The following HSD17B12 variants were observed in gnomAD, a reference collection of about 807,000 sequenced individuals.
HSD17B12 encodes the protein very-long-chain 3-oxoacyl-CoA reductase.
Under a neutral mutation model 39.3 loss-of-function variants are expected in HSD17B12, and 32 were observed. The observed-to-expected ratio is 0.81, with a 90% CI of 0.61 to 1.09. HSD17B12 has a LOEUF of 1.09. HSD17B12 is among the 50% of genes least tolerant of loss of function. The pLI is 0.00. For missense variants in HSD17B12, 342 were observed against 382.9 expected, an observed-to-expected ratio of 0.89 and a Z score of 0.89; for synonymous variants, 150 against 146.7, an observed-to-expected ratio of 1.02 and a Z score of -0.16.
chr11:43,656,366 G>A, the HSD17B12 span, among the ~76,000 whole-genome samples: 1 of 152,024 alleles, frequency 6.6e-6, no homozygotes, highest in African/African-American at 2.4e-5. Context: ...TGGATTCATT[G>A]ATTTTTTGAA....
the HSD17B12 span, among the ~76,000 whole-genome samples, chr11:43,661,097 C>A: frequency 1.3e-5 from 2 of 152,120 alleles, no homozygotes. Flanking sequence ...TGCACTCCAG[C>A]CTGGGCAACA....
At chr11:43,571,320 T>C in the HSD17B12 span, among the ~76,000 whole-genome samples, 14 of 152,214 alleles carry the variant, frequency 9.2e-5, no homozygotes, top group Non-Finnish European at 1.8e-4. Context: ...TCCCAACCCC[T>C]GACACCTTTC....
chr11:43,564,098 T>C, the HSD17B12 span, among the ~76,000 whole-genome samples: 4 of 152,098 alleles, frequency 2.6e-5, no homozygotes, highest in African/African-American at 9.7e-5. Flanking sequence ...CCTCCTGCCT[T>C]GGCCTCCCAA....
intron 6 of HSD17B12, among the ~76,000 whole-genome samples, chr11:43,820,211 G>T (rs1453524595): frequency 2.6e-5 from 4 of 152,160 alleles, no homozygotes; most frequent in Non-Finnish European, 5.9e-5. Flanking sequence ...AGGCTAGAGA[G>T]CTACAGAAAG....
At chr11:43,659,968 T>A in the HSD17B12 span, among the ~76,000 whole-genome samples, 1 of 152,190 alleles carries the variant, frequency 6.6e-6, no homozygotes, top group African/African-American at 2.4e-5. Context: ...CTTTAGAACC[T>A]GCCTGCTTGG....
At chr11:43,768,819 C>G (rs1164664491) in intron 3 of HSD17B12, among the ~76,000 whole-genome samples, 3 of 152,320 alleles carry the variant, frequency 2.0e-5, no homozygotes, top group Admixed American at 6.5e-5. Flanking sequence ...TGGCCCCGCC[C>G]ATGTCCTGCT....
intron 1 of HSD17B12, among the ~76,000 whole-genome samples, chr11:43,728,112 C>G (rs1028773750): frequency 6.6e-6 from 1 of 151,932 alleles, no homozygotes; most frequent in Non-Finnish European, 1.5e-5. Flanking sequence ...GTCACTCAGG[C>G]TGGAGTGCAG....
intron 3 of HSD17B12, among the ~76,000 whole-genome samples, chr11:43,785,845 T>C (rs1446790932): frequency 6.6e-6 from 1 of 152,220 alleles, no homozygotes; most frequent in African/African-American, 2.4e-5. Context: ...TGTAACTTTA[T>C]GCATTGATCA....
intron 1 of HSD17B12, among the ~76,000 whole-genome samples, chr11:43,695,200 G>T (rs1441788877): frequency 6.6e-6 from 1 of 152,112 alleles, no homozygotes; most frequent in Non-Finnish European, 1.5e-5. Flanking sequence ...TATCCATGCA[G>T]GCTTTTTAAC....
chr11:43,571,107 C>T, the HSD17B12 span, among the ~76,000 whole-genome samples: 1 of 152,188 alleles, frequency 6.6e-6, no homozygotes, highest in Non-Finnish European at 1.5e-5. Flanking sequence ...CAGCTAATTG[C>T]AAGGCTGCTT....
the HSD17B12 span, among the ~76,000 whole-genome samples, chr11:43,666,785 T>C: frequency 2.0e-5 from 3 of 152,364 alleles, no homozygotes; most frequent in Admixed American, 1.3e-4. Context: ...CACGACATTT[T>C]CTGGTATTCT....
intron 1 of HSD17B12, among the ~76,000 whole-genome samples, chr11:43,730,972 G>A (rs10838158): frequency 0.66 from 99,626 of 151,712 alleles, 33,038 homozygotes; most frequent in East Asian, 0.75. Flanking sequence ...TGGAGAATTT[G>A]CCCACTTCTT....
In HSD17B12 at chr11:43,680,769, C is replaced by A; in HGVS notation, c.-59C>A. 1.3e-6 allele frequency: 2 copies of A among 1,510,220 alleles called. No homozygotes were observed. Among genetic ancestry groups the A allele is most frequent in the Non-Finnish European group, 1.8e-6 (2 of 1,085,934 alleles). The allele number at this position is 1,510,220 out of a possible 1,614,324, so 93.6% of individuals were successfully genotyped here. A position where few individuals can be genotyped will look rare whatever the true frequency, so the allele number is the denominator to read the frequency against. On this transcript the variant is annotated 5_prime_UTR_variant, in exon 1 of 11. Coordinates refer to ENST00000278353, the MANE Select transcript of HSD17B12 (RefSeq NM_016142.3). The stretch of plus-strand genomic sequence containing the variant: ...CTCACCGTCACGGCCGGCGCCTCCT[C>A]CTGGATTCATTCACTCGCTCTTTTC...
chr11:43,600,484 T>C, the HSD17B12 span, among the ~76,000 whole-genome samples: 1 of 152,296 alleles, frequency 6.6e-6, no homozygotes, highest in South Asian at 2.1e-4. Context: ...GCTGCCAGCA[T>C]GTGGAAAAGG....
the HSD17B12 span, among the ~76,000 whole-genome samples, chr11:43,629,096 C>T: frequency 1.3e-5 from 2 of 151,992 alleles, no homozygotes; most frequent in East Asian, 3.9e-4. Context: ...TGGATGTGGA[C>T]GTTGATTTCC....
the HSD17B12 span, among the ~76,000 whole-genome samples, chr11:43,626,364 T>C: frequency 2.0e-5 from 3 of 152,000 alleles, no homozygotes; most frequent in Non-Finnish European, 3.0e-5. Flanking sequence ...GTATCTTTAG[T>C]TGGAATATAA....
chr11:43,831,210 T>A lies in HSD17B12; in HGVS notation c.536+200T>A. ...GGCCTTTTCCACTCGATTCCCTTTT[T>A]ATTTCTCTCTCTAGGGTTGTAGTGG... On this transcript the variant is annotated intron_variant, in intron 7 of 10. Coordinates refer to ENST00000278353, the MANE Select transcript of HSD17B12 (RefSeq NM_016142.3). The surrounding 1 kb of genome is among the most constrained non-coding windows in gnomAD (Gnocchi z 4.1). The A allele has an allele frequency of 2.4e-6, 1 of 424,538 alleles. No individual in the cohort carries two copies. Among genetic ancestry groups the A allele is most frequent in the Non-Finnish European group, 4.2e-6 (1 of 237,158 alleles). The allele number at this position is 424,538 out of a possible 1,614,324, so 26.3% of individuals were successfully genotyped here. A position where few individuals can be genotyped will look rare whatever the true frequency, so the allele number is the denominator to read the frequency against.
intron 1 of HSD17B12, among the ~76,000 whole-genome samples, chr11:43,691,285 C>T (rs1242743633): frequency 6.6e-6 from 1 of 152,180 alleles, no homozygotes; most frequent in Non-Finnish European, 1.5e-5. Context: ...GCAACACTGG[C>T]ACAGTCCTCT....
intron 3 of HSD17B12, chr11:43,754,735 C>T (rs1590271612): frequency 1.9e-6 from 1 of 523,664 alleles, no homozygotes; most frequent in East Asian, 3.1e-5. Flanking sequence ...TTTGCTGTGA[C>T]TTCATTTCAG....
Sources: gnomAD v4.1 joint callset for allele counts (sites outside exome capture counted in the v4.1 genomes callset) on GRCh38, gnomAD v4.1.1 for gene constraint, Gnocchi (gnomAD v3.1) non-coding constraint, MANE v1.5 for transcripts, NCBI Gene and HGNC (gene_info 2026-07-23, HGNC 2026-07-21) for gene names.